Variants in JMJD1C observed in about 807,000 individuals in gnomAD.
JMJD1C encodes jumonji domain containing 1C.
In JMJD1C, 31 loss-of-function variants were observed where a neutral mutation model predicts 245.3. The observed-to-expected ratio is 0.13, with a 90% CI of 0.09 to 0.17. The LOEUF (loss-of-function observed/expected upper bound fraction) is 0.17, where lower values mean the gene tolerates loss of function less well. Among genes scored for constraint, JMJD1C ranks in the 10% least tolerant of loss-of-function variants. The pLI, the probability that JMJD1C is intolerant of heterozygous loss-of-function variation, is 1.00. For synonymous variants in JMJD1C, 1,057 were observed against 1,017.4 expected, an observed-to-expected ratio of 1.04 and a Z score of -0.74; for missense variants, 2,691 against 3,000.2, an observed-to-expected ratio of 0.90 and a Z score of 2.41.
intron 2 of JMJD1C, among the ~76,000 whole-genome samples, chr10:63,323,008 T>C (rs1250804646): frequency 4.0e-5 from 6 of 151,716 alleles, no homozygotes; most frequent in Non-Finnish European, 7.4e-5. Flanking sequence ...AACATATACA[T>C]ACATAGATCT....
At chr10:63,514,491 G>A (rs1004065127) in intron 1 of JMJD1C, among the ~76,000 whole-genome samples, 2 of 152,302 alleles carry the variant, frequency 1.3e-5, no homozygotes, top group Non-Finnish European at 2.9e-5. Context: ...CATGGATGGA[G>A]TTGGAGGTCA....
chr10:63,494,504 G>T (rs544176912), intron 1 of JMJD1C, among the ~76,000 whole-genome samples: 4 of 151,866 alleles, frequency 2.6e-5, no homozygotes, highest in Non-Finnish European at 5.9e-5. Context: ...TTAGAACATG[G>T]TAATAAATAA....
At chr10:63,352,374 A>G (rs12253456) in intron 2 of JMJD1C, among the ~76,000 whole-genome samples, 4,568 of 152,316 alleles carry the variant, frequency 0.03, 243 homozygotes, top group African/African-American at 0.1. Flanking sequence ...ATGGTAGCTC[A>G]CGCCTGTAAT....
chr10:63,366,969 A>G (rs1433565584), intron 2 of JMJD1C, among the ~76,000 whole-genome samples: 1 of 152,208 alleles, frequency 6.6e-6, no homozygotes, highest in Non-Finnish European at 1.5e-5. Flanking sequence ...TCACAGACCC[A>G]CTGCCATATG....
rs180724476 is a variant in JMJD1C, at chr10:63,474,481, T to C, written n.113+47257A>G. Among the ~76,000 whole-genome samples the C allele has an allele frequency of 7.9e-5, 12 of 151,946 alleles. No individual in the cohort carries two copies. In the East Asian group the frequency reaches 2.3e-3, roughly 29 times the overall value. ...TTTTTTTTGAGACAGGGTCTCACTC[T>C]TGTCACCCATGCTGGAGTGCAGTGG... On this transcript the variant is annotated intron_variant and non_coding_transcript_variant, in intron 1 of 3. Coordinates refer to the JMJD1C transcript ENST00000633035.
chr10:63,179,776 T>C (rs1488803162), intron 22 of JMJD1C, among the ~76,000 whole-genome samples: 1 of 99,884 alleles, frequency 1.0e-5, no homozygotes, highest in Non-Finnish European at 2.3e-5. Context: ...ACCCTATCTT[T>C]AAAAAAGAAA....
chr10:63,276,462 T>C (rs1856784859), intron 2 of JMJD1C, among the ~76,000 whole-genome samples: 1 of 89,904 alleles, frequency 1.1e-5, no homozygotes, highest in Non-Finnish European at 2.2e-5. Context: ...TGAGATTCCG[T>C]CTCAAAAAAA....
At chr10:63,234,500 A>AC (rs1290900629) in intron 3 of JMJD1C, among the ~76,000 whole-genome samples, 3 of 140,662 alleles carry the variant, frequency 2.1e-5, no homozygotes, top group Non-Finnish European at 4.5e-5. Context: ...TCTTAAAAAA[A>AC]AAAAAAAAAA....
chr10:63,473,300 C>T (rs1199326166), intron 1 of JMJD1C, among the ~76,000 whole-genome samples: 1 of 151,898 alleles, frequency 6.6e-6, no homozygotes, highest in Non-Finnish European at 1.5e-5. Flanking sequence ...GGCTGGAGTG[C>T]AGTGGCACAA....
chr10:63,388,298 T>C (rs1297534656), intron 1 of JMJD1C, among the ~76,000 whole-genome samples: 1 of 149,280 alleles, frequency 6.7e-6, no homozygotes, highest in Non-Finnish European at 1.5e-5. Flanking sequence ...CTCTGCACAA[T>C]CCTTACAGGG....
At chr10:63,497,312 G>A (rs886730140) in intron 1 of JMJD1C, among the ~76,000 whole-genome samples, 5 of 152,168 alleles carry the variant, frequency 3.3e-5, no homozygotes, top group Non-Finnish European at 5.9e-5. Flanking sequence ...AAATGTTTAT[G>A]TATACAATGG....
chr10:63,408,678 G>C (rs1164503145), intron 1 of JMJD1C, among the ~76,000 whole-genome samples: 1 of 151,120 alleles, frequency 6.6e-6, no homozygotes, highest in Non-Finnish European at 1.5e-5. Context: ...ATTTTCAGAT[G>C]AACGGGCCAT....
At chr10:63,353,393 A>C (rs1944524894) in intron 2 of JMJD1C, among the ~76,000 whole-genome samples, 1 of 152,246 alleles carries the variant, frequency 6.6e-6, no homozygotes, top group Non-Finnish European at 1.5e-5. Flanking sequence ...TATTTGGTCT[A>C]TCTACTACTA....
intron 3 of JMJD1C, among the ~76,000 whole-genome samples, chr10:63,227,860 G>C (rs1365621810): frequency 1.3e-5 from 2 of 152,108 alleles, no homozygotes; most frequent in African/African-American, 2.4e-5. Context: ...GAGATTGCTG[G>C]CAACAGTTTT....
intron 1 of JMJD1C, among the ~76,000 whole-genome samples, chr10:63,430,478 C>CTAGA (rs1950682333): frequency 6.6e-6 from 1 of 152,136 alleles, no homozygotes; most frequent in South Asian, 2.1e-4. Flanking sequence ...TGAAAGAAAG[C>CTAGA]TAGATGCAAA....
At chr10:63,351,080 C>CTTT (rs998025835) in intron 2 of JMJD1C, among the ~76,000 whole-genome samples, 1 of 131,092 alleles carries the variant, frequency 7.6e-6, no homozygotes, top group Non-Finnish European at 1.7e-5. Flanking sequence ...AGAAATTTTT[C>CTTT]TTTTTTTTTT....
chr10:63,513,428 A>C (rs1485590893), intron 1 of JMJD1C, among the ~76,000 whole-genome samples: 3 of 152,232 alleles, frequency 2.0e-5, no homozygotes, highest in Non-Finnish European at 1.5e-5. Flanking sequence ...AGTCCTCAAA[A>C]GCAACTGCAA....
chr10:63,210,489 T>C (rs1046413341), intron 8 of JMJD1C, among the ~76,000 whole-genome samples: 2 of 152,192 alleles, frequency 1.3e-5, no homozygotes, highest in African/African-American at 4.8e-5. Context: ...ACACAGAGGC[T>C]AGACAGTCAT....
chr10:63,171,209 A>G (rs558151169), intron 24 of JMJD1C, among the ~76,000 whole-genome samples: 104 of 152,276 alleles, frequency 6.8e-4, no homozygotes, highest in African/African-American at 2.5e-3. Context: ...GCTGTTTTTA[A>G]GTAAAGGCCA....
Sources: allele counts gnomAD v4.1 joint callset (sites outside exome capture counted in the v4.1 genomes callset), GRCh38; gene constraint gnomAD v4.1.1; transcripts MANE v1.5; gene names NCBI Gene and HGNC (gene_info 2026-07-23, HGNC 2026-07-21).